Variants in SCUBE1 observed in about 807,000 individuals in gnomAD.
The protein encoded by SCUBE1 is signal peptide, CUB and EGF-like domain-containing protein 1.
SCUBE1 carries 59 observed loss-of-function variants against 124.4 expected under a neutral mutation model. The ratio of observed to expected loss-of-function variants is 0.47; its 90% CI spans 0.38 to 0.59. The LOEUF (loss-of-function observed/expected upper bound fraction) is 0.59. SCUBE1 is among the 20% of genes least tolerant of loss of function. The pLI is 0.00. For synonymous variants in SCUBE1, 545 were observed against 550.9 expected, an observed-to-expected ratio of 0.99 and a Z score of 0.15; for missense variants, 1,150 against 1,371.2, an observed-to-expected ratio of 0.84 and a Z score of 2.55.
rs965989343 is a variant in SCUBE1 at position 43,255,414 on chromosome 22, C to T, written c.727+2805G>A. On this transcript the variant is annotated intron_variant, in intron 6 of 21. Coordinates refer to ENST00000360835, the MANE Select transcript of SCUBE1 (RefSeq NM_173050.5). The surrounding 1 kb of genome is among the most constrained non-coding windows in gnomAD (Gnocchi z 4.7). ...ACACGCCCATGTCCACATGCCAGTGCGCACCCGAGACACACATGTGCACAC... is the reference window on the plus strand; with the variant it reads ...ACACGCCCATGTCCACATGCCAGTGTGCACCCGAGACACACATGTGCACAC... 5.5e-5 allele frequency: 71 copies of T among 1,280,380 alleles called. No individual in the cohort carries two copies. The highest frequency in any genetic ancestry group is 7.4e-5 in the Non-Finnish European group (67 of 901,868). 79.3% of individuals were successfully genotyped at this position (1,280,380 alleles called of 1,614,324 possible).
intron 3 of SCUBE1, among the ~76,000 whole-genome samples, chr22:43,297,107 T>C (rs1925592347): frequency 6.6e-6 from 1 of 152,208 alleles, no homozygotes; most frequent in Non-Finnish European, 1.5e-5. Flanking sequence ...CTGAGGACCC[T>C]GTTGTTCTCG....
At chr22:43,226,322 C>T (rs985278862) in intron 10 of SCUBE1, among the ~76,000 whole-genome samples, 1 of 152,052 alleles carries the variant, frequency 6.6e-6, no homozygotes, top group Non-Finnish European at 1.5e-5. Context: ...GCACAGGGGG[C>T]CCAGATGGGT....
chr22:43,207,679 C>T, intron 20 of SCUBE1, 66 bp from the exon 21 acceptor site: 1 of 1,230,860 alleles, frequency 8.1e-7, no homozygotes, highest in South Asian at 1.2e-5. Context: ...TCCCCTTTCA[C>T]CTCCAGCCTC....
intron 3 of SCUBE1, among the ~76,000 whole-genome samples, chr22:43,312,133 A>G (rs1926192346): frequency 6.6e-6 from 1 of 152,240 alleles, no homozygotes; most frequent in African/African-American, 2.4e-5. Flanking sequence ...ATTACAAGGC[A>G]TTTTGACAAA....
chr22:43,218,601 G>T, intron 14 of SCUBE1, 143 bp from the exon 15 acceptor site: 2 of 829,006 alleles, frequency 2.4e-6, no homozygotes, highest in African/African-American at 1.7e-5. Context: ...GGGGCAAGGG[G>T]CCACTGTCAT....
chr22:43,203,395 T>G lies in SCUBE1; in HGVS notation c.*602A>C, dbSNP rs2146644690. On this transcript the variant is annotated 3_prime_UTR_variant, in exon 22 of 22. Coordinates refer to ENST00000360835, the MANE Select transcript of SCUBE1 (RefSeq NM_173050.5). ...ATATTTATATATATATTTATATATATATATAGAGTACTTCATTAAATGTTC... is the reference window on the plus strand; with the variant it reads ...ATATTTATATATATATTTATATATAGATATAGAGTACTTCATTAAATGTTC... 1 of 148,504 alleles carries G rather than the reference T, an allele frequency of 6.7e-6. No individual in the cohort carries two copies. Among genetic ancestry groups the G allele is most frequent in the African/African-American group, 2.4e-5 (1 of 40,824 alleles). The allele number at this position is 148,504 out of a possible 1,614,324, so 9.2% of individuals were successfully genotyped here. A position where few individuals can be genotyped will look rare whatever the true frequency, so the allele number is the denominator to read the frequency against.
intron 4 of SCUBE1, among the ~76,000 whole-genome samples, chr22:43,289,475 C>A (rs1349390569): frequency 6.6e-6 from 1 of 152,248 alleles, no homozygotes. Flanking sequence ...ACCACAGAGC[C>A]ATGATTAGCA....
chr22:43,232,901 C>T (rs1157031251), intron 7 of SCUBE1, among the ~76,000 whole-genome samples: 3 of 152,234 alleles, frequency 2.0e-5, no homozygotes, highest in Non-Finnish European at 4.4e-5. Flanking sequence ...ATTAGAGGTC[C>T]CTGTCCCCAA....
Position 43,259,970 on chromosome 22 carries a change from C to T in SCUBE1, c.611-1635G>A, listed in dbSNP as rs867890177. On this transcript the variant is annotated intron_variant, in intron 5 of 21. Transcript: ENST00000360835. ...TTCATCTCTCAACAGCTCACCTCAA[C>T]GGCCAGGAAGGAACCCAGGGAAGCC... 3.9e-5 allele frequency among the ~76,000 whole-genome samples: 6 copies of T among 152,332 alleles called. No individual in the cohort carries two copies. In the East Asian group the frequency reaches 5.8e-4, roughly 15 times the overall value.
rs1345626854 is a variant in SCUBE1, at chr22:43,198,530, T to C, written c.*5467A>G. The C allele has an allele frequency of 8.8e-6, 4 of 456,464 alleles. No homozygotes were observed. Among genetic ancestry groups the C allele is most frequent in the Middle Eastern group, 6.5e-4 (2 of 3,098 alleles). 28.3% of individuals were successfully genotyped at this position (456,464 alleles called of 1,614,324 possible). On this transcript the variant is annotated 3_prime_UTR_variant, in exon 22 of 22. Transcript: ENST00000360835. ...GGGGGCAGAGGCAGCCGCGGTAGAA[T>C]AGGAGGCGCTCTCTGCTCTCTCTCC...
intron 19 of SCUBE1, 139 bp from the exon 20 acceptor site, chr22:43,208,363 G>T: frequency 2.6e-6 from 2 of 764,742 alleles, no homozygotes; most frequent in Non-Finnish European, 4.3e-6. Flanking sequence ...TAGTCTTTGT[G>T]CTTGCTCCCT....
Position 43,339,122 on chromosome 22 carries a change from C to A in SCUBE1, c.202G>T (p.Glu68Ter), listed in dbSNP as rs1272808358. 2.5e-6 allele frequency: 4 copies of A among 1,613,694 alleles called. No homozygotes were observed. The highest frequency in any genetic ancestry group is 2.7e-5 in the African/African-American group (2 of 74,930). The change falls in exon 2 of 22, where the codon GAA becomes TAA. Residue 68 changes from glutamate to a stop codon, truncating the protein, a stop_gained. Transcript: ENST00000360835. LOFTEE classifies it high-confidence loss of function. ...KCLCKPGYKG[E>*]GKQCEDIDEC... ...GACTCACCTTCACACTGCTTGCCTT[C>A]CCCCTTGTAGCCTGGCTTGCAGAGG...
intron 2 of SCUBE1, among the ~76,000 whole-genome samples, chr22:43,323,410 A>T (rs754125053): frequency 3.9e-5 from 6 of 152,260 alleles, no homozygotes; most frequent in Non-Finnish European, 4.4e-5. Context: ...GCTAAAATTT[A>T]TCCATCTAAA....
intron 3 of SCUBE1, among the ~76,000 whole-genome samples, chr22:43,300,844 G>GC (rs1332785415): frequency 1.3e-5 from 2 of 151,888 alleles, no homozygotes; most frequent in Non-Finnish European, 2.9e-5. Context: ...TGCCAAGGTT[G>GC]CCCCCAAACC....
chr22:43,309,671 C>T (rs893876688), intron 3 of SCUBE1, among the ~76,000 whole-genome samples: 2 of 147,724 alleles, frequency 1.4e-5, no homozygotes, highest in African/African-American at 5.4e-5. Context: ...AGAACTCAGA[C>T]GAACAGACAC....
At chr22:43,231,356 T>C (rs1020683935) in intron 8 of SCUBE1, among the ~76,000 whole-genome samples, 5 of 152,206 alleles carry the variant, frequency 3.3e-5, no homozygotes, top group African/African-American at 9.6e-5. Flanking sequence ...CTCATTATCC[T>C]TGTTCCCAGC....
chr22:43,243,896 A>G (rs1224078053), intron 6 of SCUBE1, among the ~76,000 whole-genome samples: 1 of 152,110 alleles, frequency 6.6e-6, no homozygotes, highest in Non-Finnish European at 1.5e-5. Flanking sequence ...GCCTATGGAG[A>G]CTCAGAACCC....
chr22:43,205,814 T>TA (rs1921228585), intron 21 of SCUBE1, among the ~76,000 whole-genome samples: 1 of 10,514 alleles, frequency 9.5e-5, no homozygotes, highest in Admixed American at 1.4e-3. Flanking sequence ...ACACACCCAC[T>TA]CACCACTCAC....
intron 21 of SCUBE1, among the ~76,000 whole-genome samples, chr22:43,206,910 A>C (rs1921314087): frequency 1.3e-5 from 2 of 152,130 alleles, no homozygotes; most frequent in South Asian, 4.1e-4. Flanking sequence ...CTATGGGGAG[A>C]CTCAAGTGAA....
Sources: gnomAD v4.1 joint callset for allele counts (sites outside exome capture counted in the v4.1 genomes callset) on GRCh38, gnomAD v4.1.1 for gene constraint, Gnocchi (gnomAD v3.1) non-coding constraint, MANE v1.5 for transcripts, NCBI Gene and HGNC (gene_info 2026-07-23, HGNC 2026-07-21) for gene names.